Variants in CCSER2 observed in about 807,000 individuals in gnomAD.
CCSER2 encodes coiled-coil serine rich protein 2.
In CCSER2, 46 loss-of-function variants were observed where a neutral mutation model predicts 92.3. The ratio of observed to expected loss-of-function variants is 0.50; its 90% CI spans 0.39 to 0.64. The LOEUF (loss-of-function observed/expected upper bound fraction) is 0.64, where lower values mean the gene tolerates loss of function less well. CCSER2 is among the 30% of genes least tolerant of loss of function. The pLI is 0.00. For synonymous variants in CCSER2, 433 were observed against 431.4 expected, an observed-to-expected ratio of 1.00 and a Z score of -0.04; for missense variants, 1,244 against 1,238.9, an observed-to-expected ratio of 1.00 and a Z score of -0.06.
intron 7 of CCSER2, among the ~76,000 whole-genome samples, chr10:84,465,981 G>T (rs186884659): frequency 3.9e-5 from 6 of 152,098 alleles, no homozygotes; most frequent in African/African-American, 1.4e-4. Flanking sequence ...CTTGTGATCC[G>T]CCCGCTTCGG....
At chr10:84,429,014 T>TATATATATAC (rs1400134320) in intron 5 of CCSER2, among the ~76,000 whole-genome samples, 7 of 139,342 alleles carry the variant, frequency 5.0e-5, no homozygotes, top group African/African-American at 1.0e-4. Flanking sequence ...TATATATATA[T>TATATATATAC]ACACACTTAA....
chr10:84,425,747 G>A lies in CCSER2; in HGVS notation c.1722G>A (p.Met574Ile). The change falls in exon 5 of 10, where the codon ATG (methionine) becomes ATA (isoleucine). Residue 574 changes from methionine to isoleucine, a missense_variant. Met to Ile is a conservative substitution (Grantham distance 10). Coordinates refer to ENST00000372088, the MANE Select transcript of CCSER2 (RefSeq NM_001284240.2). ...TCTGTCTAGTGGAGTGTGACAATAT[G>A]AACCGCTTTGACCGACCAGACAGAA... ...APLENVECDN[M>I]NRFDRPDRNV... The A allele has an allele frequency of 6.2e-7, 1 of 1,610,452 alleles. No individual in the cohort carries two copies. Among genetic ancestry groups the A allele is most frequent in the Non-Finnish European group, 8.5e-7 (1 of 1,177,928 alleles).
At chr10:84,382,615 CAA>C (rs1055360088) in intron 3 of CCSER2, among the ~76,000 whole-genome samples, 3 of 152,180 alleles carry the variant, frequency 2.0e-5, no homozygotes, top group African/African-American at 7.2e-5. Context: ...AGTTGAACTA[CAA>C]TGTCATGATG....
In CCSER2 at chr10:84,450,551, A is replaced by G. The variant is rs145609158; in HGVS notation, c.2064+11844A>G. 2.4e-3 allele frequency among the ~76,000 whole-genome samples: 368 copies of G among 152,334 alleles called. 2 individuals carry two copies. The highest frequency in any genetic ancestry group is 8.2e-3 in the African/African-American group (339 of 41,580). On this transcript the variant is annotated intron_variant, in intron 6 of 9. Transcript: ENST00000372088. Reference sequence around the variant, plus strand: ...AAAACTCTGTTCTAGTAGATAAACAATACTATGCTCAAGACTCCAAGGCCA... The same window carrying G: ...AAAACTCTGTTCTAGTAGATAAACAGTACTATGCTCAAGACTCCAAGGCCA...
chr10:84,424,573 GT>G (rs1843331195), intron 4 of CCSER2, among the ~76,000 whole-genome samples: 1 of 151,700 alleles, frequency 6.6e-6, no homozygotes, highest in South Asian at 2.1e-4. Context: ...GAATGCCAAA[GT>G]TTGTTTTTAT....
At chr10:84,505,988 GT>G (rs910680693) in intron 9 of CCSER2, among the ~76,000 whole-genome samples, 1 of 151,526 alleles carries the variant, frequency 6.6e-6, no homozygotes, top group Non-Finnish European at 1.5e-5. Flanking sequence ...TGCCATTTAG[GT>G]TTTTTTTCCT....
chr10:84,456,059 C>G, intron 6 of CCSER2: 2 of 430,772 alleles, frequency 4.6e-6, no homozygotes, highest in Non-Finnish European at 9.1e-6. Flanking sequence ...AAGCCTAGAT[C>G]GGGCTGGGTC....
intron 9 of CCSER2, among the ~76,000 whole-genome samples, chr10:84,511,200 A>G (rs143241500): frequency 1.3e-5 from 2 of 152,282 alleles, no homozygotes; most frequent in African/African-American, 4.8e-5. Context: ...ATGTTTTCTA[A>G]TTCATTAATA....
At chr10:84,333,326 T>C (rs1355766499) in intron 1 of CCSER2, among the ~76,000 whole-genome samples, 1 of 152,194 alleles carries the variant, frequency 6.6e-6, no homozygotes, top group African/African-American at 2.4e-5. Flanking sequence ...GGTGTTTTGC[T>C]GGTTCTTGGC....
intron 1 of CCSER2, among the ~76,000 whole-genome samples, chr10:84,363,285 C>G (rs1000701330): frequency 2.0e-5 from 3 of 151,966 alleles, no homozygotes; most frequent in African/African-American, 7.3e-5. Context: ...TGAGCCACCA[C>G]GCCTGGCCAC....
At chr10:84,347,260 T>C (rs1185803510) in intron 1 of CCSER2, among the ~76,000 whole-genome samples, 1 of 152,224 alleles carries the variant, frequency 6.6e-6, no homozygotes, top group Non-Finnish European at 1.5e-5. Flanking sequence ...AAAACCATCG[T>C]CATCATGGCC....
At chr10:84,364,657 T>C (rs1313519793) in intron 1 of CCSER2, among the ~76,000 whole-genome samples, 1 of 152,208 alleles carries the variant, frequency 6.6e-6, no homozygotes, top group Non-Finnish European at 1.5e-5. Flanking sequence ...TGCTTTTCCC[T>C]TATCCAATTG....
intron 6 of CCSER2, among the ~76,000 whole-genome samples, chr10:84,460,449 T>C (rs978291380): frequency 3.3e-5 from 5 of 152,010 alleles, no homozygotes; most frequent in Non-Finnish European, 7.4e-5. Flanking sequence ...AGTCTTCTTA[T>C]ACTGTCTTTG....
At chr10:84,336,155 A>C (rs1843825521) in intron 1 of CCSER2, among the ~76,000 whole-genome samples, 1 of 152,156 alleles carries the variant, frequency 6.6e-6, no homozygotes, top group African/African-American at 2.4e-5. Flanking sequence ...TCTTGCAGTC[A>C]TGTTTTTCCA....
At chr10:84,477,693 TC>T in intron 9 of CCSER2, 29 bp downstream of exon 9, 1 of 1,170,196 alleles carries the variant, frequency 8.5e-7, no homozygotes, top group African/African-American at 1.5e-5. Flanking sequence ...TAGCCTCCTC[TC>T]CAGTCATTTG....
intron 8 of CCSER2, among the ~76,000 whole-genome samples, chr10:84,476,805 G>A (rs1847177017): frequency 6.6e-6 from 1 of 152,120 alleles, no homozygotes; most frequent in African/African-American, 2.4e-5. Context: ...ATTTGGGAAA[G>A]TTACTTTGTG....
intron 4 of CCSER2, 127 bp from the exon 5 acceptor site, chr10:84,425,604 C>A: frequency 1.7e-6 from 1 of 575,576 alleles, no homozygotes; most frequent in Non-Finnish European, 2.7e-6. Flanking sequence ...TTGTGATTAA[C>A]ATAAATGGCT....
chr10:84,446,289 A>G (rs752761511), intron 6 of CCSER2, among the ~76,000 whole-genome samples: 1 of 152,214 alleles, frequency 6.6e-6, no homozygotes, highest in African/African-American at 2.4e-5. Context: ...AAAGGAGTAT[A>G]TAATAGTATT....
intron 9 of CCSER2, among the ~76,000 whole-genome samples, chr10:84,480,942 A>C (rs116086982): frequency 6.6e-6 from 1 of 152,178 alleles, no homozygotes; most frequent in African/African-American, 2.4e-5. Flanking sequence ...CCTTTAATCA[A>C]GTTAAGGAAT....
Sources: gnomAD v4.1 joint callset for allele counts (sites outside exome capture counted in the v4.1 genomes callset) on GRCh38, gnomAD v4.1.1 for gene constraint, MANE v1.5 for transcripts, NCBI Gene and HGNC (gene_info 2026-07-23, HGNC 2026-07-21) for gene names.